The following NREP variants were observed in gnomAD, a reference collection of about 807,000 sequenced individuals.
NREP encodes neuronal regeneration related protein.
In NREP, 5 loss-of-function variants were observed where a neutral mutation model predicts 8.6. The observed-to-expected ratio is 0.58, with a 90% CI of 0.30 to 1.22. The LOEUF is 1.22. Ranked by LOEUF, NREP falls within the 50% of genes most tolerant of loss-of-function variation. NREP has a pLI of 0.07. For synonymous variants in NREP, 27 were observed against 28.0 expected, an observed-to-expected ratio of 0.96 and a Z score of 0.11; for missense variants, 86 against 82.5, an observed-to-expected ratio of 1.04 and a Z score of -0.17.
intron 3 of NREP, chr5:111,734,213 A>G (rs1748885959): frequency 6.5e-6 from 1 of 153,000 alleles, no homozygotes; most frequent in East Asian, 1.9e-4. Flanking sequence ...GGACCTCTGG[A>G]TGCCTGAATG....
intron 2 of NREP, among the ~76,000 whole-genome samples, chr5:111,945,992 C>G (rs985580817): frequency 1.3e-5 from 2 of 151,426 alleles, no homozygotes; most frequent in Non-Finnish European, 2.9e-5. Flanking sequence ...ATTGCCATTC[C>G]CAAAGCTAAG....
At chr5:111,831,406 A>G (rs1255067453) in intron 2 of NREP, among the ~76,000 whole-genome samples, 2 of 152,114 alleles carry the variant, frequency 1.3e-5, no homozygotes, top group Non-Finnish European at 2.9e-5. Flanking sequence ...TCAGTTTTTT[A>G]GTCGATCTGG....
chr5:111,951,007 T>C (rs1459765659), intron 2 of NREP, among the ~76,000 whole-genome samples: 2 of 152,124 alleles, frequency 1.3e-5, no homozygotes, highest in African/African-American at 2.4e-5. Context: ...GTTAACACTA[T>C]CCTGAATTTG....
At chr5:111,737,065 C>CTGTT (rs1209485896) in intron 2 of NREP, among the ~76,000 whole-genome samples, 8 of 152,154 alleles carry the variant, frequency 5.3e-5, no homozygotes, top group African/African-American at 1.9e-4. Flanking sequence ...TGGACTGGGT[C>CTGTT]TGTTTTCTGA....
rs867383406 is a variant in NREP, at chr5:111,886,523, G to A, written c.135+88751C>T. On this transcript the variant is annotated intron_variant, in intron 2 of 3. Transcript: ENST00000395634. ...TGCTGCTATAAAGACACATGCACAC[G>A]TATGTTTATTGCGGCATTATTCACA... 8.4e-3 allele frequency among the ~76,000 whole-genome samples: 1,270 copies of A among 151,630 alleles called. 13 individuals carry two copies. Among genetic ancestry groups the A allele is most frequent in the African/African-American group, 0.026 (1,093 of 41,256 alleles).
intron 2 of NREP, among the ~76,000 whole-genome samples, chr5:111,943,706 C>T (rs984574319): frequency 1.3e-5 from 2 of 152,102 alleles, no homozygotes; most frequent in African/African-American, 4.8e-5. Context: ...GCTCTGCCCT[C>T]ATGGAGCTTA....
At chr5:111,756,296 T>TA (rs77528562) in intron 1 of NREP, 65,072 of 236,544 alleles carry the variant, frequency 0.28, 8,286 homozygotes, top group African/African-American at 0.54. Context: ...CTTCCGTGTT[T>TA]AAAAAAAAAA....
chr5:111,784,553 A>G (rs2169769), intron 2 of NREP, among the ~76,000 whole-genome samples: 148,939 of 152,306 alleles, frequency 0.98, 72,918 homozygotes, highest in East Asian at 1. Context: ...TTACTGTTTT[A>G]CACTATTGAT....
upstream of NREP, among the ~76,000 whole-genome samples, chr5:111,762,191 G>C (rs1299731095): frequency 6.6e-6 from 1 of 152,152 alleles, no homozygotes; most frequent in Non-Finnish European, 1.5e-5. Flanking sequence ...AGATTAGCTG[G>C]AGAAAAGAGT....
At chr5:111,836,626 T>C (rs1159592123) in intron 2 of NREP, among the ~76,000 whole-genome samples, 1 of 151,956 alleles carries the variant, frequency 6.6e-6, no homozygotes, top group Non-Finnish European at 1.5e-5. Flanking sequence ...AGAAAGACAG[T>C]GCCTTGAATC....
In NREP at chr5:111,793,549, G is replaced by A. The variant is rs1265506911; in HGVS notation, c.136-58042C>T. Among the ~76,000 whole-genome samples, 3 of 152,140 alleles carry A rather than the reference G, an allele frequency of 2.0e-5. No homozygotes were observed. In the East Asian group the frequency reaches 5.8e-4, roughly 29 times the overall value. The stretch of plus-strand genomic sequence containing the variant: ...ATGTACACCCACATTGGTGAGGGTG[G>A]GCCTTCTTTACTCAGTCTACTGATT... On this transcript the variant is annotated intron_variant, in intron 2 of 3. Coordinates refer to the NREP transcript ENST00000395634.
chr5:111,926,612 CT>C (rs1276320440), intron 2 of NREP, among the ~76,000 whole-genome samples: 1 of 152,030 alleles, frequency 6.6e-6, no homozygotes, highest in Non-Finnish European at 1.5e-5. Context: ...ATGTAAGCCA[CT>C]TTTTCTTCAG....
chr5:111,807,272 T>C (rs1223970518), intron 2 of NREP, among the ~76,000 whole-genome samples: 1 of 152,212 alleles, frequency 6.6e-6, no homozygotes, highest in African/African-American at 2.4e-5. Context: ...CAGTTTCTTT[T>C]ATAAAATGGA....
In NREP at chr5:111,781,320, T is replaced by A. The variant is rs1751488397; in HGVS notation, c.136-45813A>T. On this transcript the variant is annotated intron_variant, in intron 2 of 3. Coordinates refer to the NREP transcript ENST00000395634. ...TGCTTCCTCTCACGATGCCTGCTCT[T>A]CGAACAGTGCCACCCCTACGTGAGG... Among the ~76,000 whole-genome samples, 2 of 152,178 alleles carry A rather than the reference T, an allele frequency of 1.3e-5. 1 individual carries two copies. The highest frequency in any genetic ancestry group is 1.3e-4 in the Admixed American group (2 of 15,266).
chr5:111,878,069 C>T (rs139824909), intron 2 of NREP, among the ~76,000 whole-genome samples: 17 of 152,254 alleles, frequency 1.1e-4, no homozygotes, highest in South Asian at 4.2e-4. Context: ...AAGACTCAGA[C>T]GAGGACTAGA....
intron 2 of NREP, among the ~76,000 whole-genome samples, chr5:111,823,655 G>C (rs146756909): frequency 4.5e-4 from 68 of 152,246 alleles, no homozygotes; most frequent in African/African-American, 1.5e-3. Context: ...AAGAATGTCT[G>C]AGCTGAGCGC....
intron 2 of NREP, among the ~76,000 whole-genome samples, chr5:111,901,860 A>T (rs573687751): frequency 6.6e-6 from 1 of 152,316 alleles, no homozygotes; most frequent in African/African-American, 2.4e-5. Flanking sequence ...AATGTTGTTA[A>T]AACGACTGTA....
rs545966277 is a variant in NREP at position 111,863,446 on chromosome 5, A to G, written c.135+111828T>C. Among the ~76,000 whole-genome samples the G allele has an allele frequency of 1.6e-4, 25 of 152,296 alleles. No individual in the cohort carries two copies. In the East Asian group the frequency reaches 4.6e-3, roughly 28 times the overall value. ...AAATCAGAAAAGAGGTCTGTGCTGAAAATGCACATTTGGGAATTATCTCCA... is the reference window on the plus strand; with the variant it reads ...AAATCAGAAAAGAGGTCTGTGCTGAGAATGCACATTTGGGAATTATCTCCA... On this transcript the variant is annotated intron_variant, in intron 2 of 3. Transcript: ENST00000395634.
intron 2 of NREP, among the ~76,000 whole-genome samples, chr5:111,816,124 A>C (rs1752380352): frequency 6.6e-6 from 1 of 152,194 alleles, no homozygotes; most frequent in Non-Finnish European, 1.5e-5. Context: ...TAAAAATGTT[A>C]ATCAAAAATG....
Sources: allele counts gnomAD v4.1 joint callset (sites outside exome capture counted in the v4.1 genomes callset), GRCh38; gene constraint gnomAD v4.1.1; transcripts MANE v1.5; gene names NCBI Gene and HGNC (gene_info 2026-07-23, HGNC 2026-07-21).